The following TBPL2 variants were observed in gnomAD, a reference collection of about 807,000 sequenced individuals.
The protein encoded by TBPL2 is TATA box-binding protein-like 2.
TBPL2 carries 40 observed loss-of-function variants against 38.2 expected under a neutral mutation model. That is an observed-to-expected ratio of 1.05 (90% confidence interval 0.81 to 1.36). The LOEUF (loss-of-function observed/expected upper bound fraction) is 1.36. Among genes scored for constraint, TBPL2 ranks in the 40% most tolerant of loss-of-function variants. The pLI, the probability that TBPL2 is intolerant of heterozygous loss-of-function variation, is 0.00. For synonymous variants in TBPL2, 169 were observed against 171.7 expected, an observed-to-expected ratio of 0.98 and a Z score of 0.12; for missense variants, 461 against 456.7, an observed-to-expected ratio of 1.01 and a Z score of -0.09.
At chr14:55,430,202 C>A (rs529932111) in intron 4 of TBPL2, among the ~76,000 whole-genome samples, 3 of 152,202 alleles carry the variant, frequency 2.0e-5, no homozygotes, top group East Asian at 3.9e-4. Context: ...ATTCCACCCC[C>A]CTCATGGGTT....
intron 5 of TBPL2, among the ~76,000 whole-genome samples, chr14:55,426,430 T>G (rs1885825100): frequency 6.6e-6 from 1 of 152,134 alleles, no homozygotes; most frequent in Non-Finnish European, 1.5e-5. Flanking sequence ...CCTGGGAAAC[T>G]GAATGACCTT....
intron 6 of TBPL2, among the ~76,000 whole-genome samples, chr14:55,421,527 G>A (rs28539353): frequency 0.23 from 34,872 of 152,126 alleles, 6,740 homozygotes; most frequent in African/African-American, 0.54. Context: ...GCAGTGGCGC[G>A]AACTTGGCTC....
chr14:55,432,136 A>C (rs1414137313), intron 4 of TBPL2, among the ~76,000 whole-genome samples: 1 of 151,982 alleles, frequency 6.6e-6, no homozygotes, highest in Non-Finnish European at 1.5e-5. Context: ...GGCCAGATGT[A>C]GTAGCTCACG....
chr14:55,416,924 A>G (rs1309414501), intron 6 of TBPL2, among the ~76,000 whole-genome samples: 5 of 152,236 alleles, frequency 3.3e-5, no homozygotes, highest in Non-Finnish European at 7.3e-5. Flanking sequence ...ACACTTTTAT[A>G]TTAAAAAATC....
At chr14:55,418,515 T>C (rs976268280) in intron 6 of TBPL2, among the ~76,000 whole-genome samples, 3 of 152,212 alleles carry the variant, frequency 2.0e-5, no homozygotes, top group African/African-American at 7.2e-5. Flanking sequence ...TTTTATGACA[T>C]ATACCAATTT....
At chr14:55,421,147 G>C (rs548115185) in intron 6 of TBPL2, among the ~76,000 whole-genome samples, 1 of 151,880 alleles carries the variant, frequency 6.6e-6, no homozygotes, top group South Asian at 2.1e-4. Context: ...ATCTATAATA[G>C]GAACTTTGCC....
At chr14:55,439,993 G>C (rs1315051980) in intron 1 of TBPL2, among the ~76,000 whole-genome samples, 2 of 147,246 alleles carry the variant, frequency 1.4e-5, no homozygotes, top group African/African-American at 2.5e-5. Context: ...CCAGCTACAC[G>C]GGAGGCTGAG....
chr14:55,424,962 TAAA>T (rs1012823249), intron 5 of TBPL2, among the ~76,000 whole-genome samples: 4 of 151,880 alleles, frequency 2.6e-5, no homozygotes, highest in Non-Finnish European at 5.9e-5. Flanking sequence ...AGGAGGTGAA[TAAA>T]ACTATTCTCA....
At chr14:55,430,153 A>C (rs1049629414) in intron 4 of TBPL2, among the ~76,000 whole-genome samples, 5 of 152,136 alleles carry the variant, frequency 3.3e-5, no homozygotes, top group African/African-American at 1.2e-4. Flanking sequence ...TGACAAAACA[A>C]AACAGTAGGT....
At chr14:55,428,687 G>T in intron 5 of TBPL2, 120 bp downstream of exon 5, 1 of 1,084,346 alleles carries the variant, frequency 9.2e-7, no homozygotes, top group Non-Finnish European at 1.3e-6. Context: ...TTTCACTATT[G>T]TGTCCCCCGC....
rs141352975 is a variant in TBPL2 at position 55,420,161 on chromosome 14, C to G, written c.1051+3998G>C. 6.7e-3 allele frequency among the ~76,000 whole-genome samples: 1,020 copies of G among 152,322 alleles called. 16 individuals carry two copies. Among genetic ancestry groups the G allele is most frequent in the African/African-American group, 0.024 (985 of 41,562 alleles). ...TCTCGGCTCACTGCAACTTCCGCCT[C>G]CCAGGTTCAAGCGATTCTCCTGCCT... On this transcript the variant is annotated intron_variant, in intron 6 of 6. Coordinates refer to ENST00000247219, the Ensembl canonical transcript of TBPL2.
intron 5 of TBPL2, among the ~76,000 whole-genome samples, chr14:55,425,064 G>C (rs1420669474): frequency 1.3e-5 from 2 of 152,240 alleles, no homozygotes; most frequent in Admixed American, 6.5e-5. Context: ...GGTGAATCCA[G>C]ACTGCATGGA....
At chr14:55,414,278 C>G in exon 7 of TBPL2, 1 of 903,704 alleles carries the variant, frequency 1.1e-6, no homozygotes, top group Non-Finnish European at 1.7e-6. Flanking sequence ...AAGTAACGTA[C>G]TTGTAACATC....
At chr14:55,424,874 T>G (rs1885797297) in intron 5 of TBPL2, among the ~76,000 whole-genome samples, 1 of 152,152 alleles carries the variant, frequency 6.6e-6, no homozygotes, top group African/African-American at 2.4e-5. Context: ...GAGCTTCTTC[T>G]CCACACTCCA....
intron 6 of TBPL2, among the ~76,000 whole-genome samples, chr14:55,420,877 G>A (rs1427815111): frequency 6.6e-6 from 1 of 152,006 alleles, no homozygotes; most frequent in African/African-American, 2.4e-5. Flanking sequence ...GGCCAACACG[G>A]TGAAACCCCG....
At chr14:55,437,156 C>G in intron 1 of TBPL2, 138 bp from the exon 2 acceptor site, 1 of 717,150 alleles carries the variant, frequency 1.4e-6, no homozygotes, top group East Asian at 2.6e-5. Flanking sequence ...TATTCATGCA[C>G]TGCTTTTTTC....
At chr14:55,426,189 C>T (rs1235347740) in intron 5 of TBPL2, among the ~76,000 whole-genome samples, 1 of 151,642 alleles carries the variant, frequency 6.6e-6, no homozygotes, top group East Asian at 1.9e-4. Context: ...ATCACTTGAA[C>T]CCTGGGGGGT....
At chr14:55,431,735 C>T (rs796930199) in intron 4 of TBPL2, among the ~76,000 whole-genome samples, 1 of 152,260 alleles carries the variant, frequency 6.6e-6, no homozygotes, top group African/African-American at 2.4e-5. Context: ...TGAGTACCGA[C>T]TGATCATTTG....
intron 5 of TBPL2, among the ~76,000 whole-genome samples, chr14:55,424,597 T>C (rs1885792923): frequency 6.6e-6 from 1 of 152,246 alleles, no homozygotes. Flanking sequence ...GAATACATAA[T>C]CATGTTTTTC....
Sources: gnomAD v4.1 joint callset for allele counts (sites outside exome capture counted in the v4.1 genomes callset) on GRCh38, gnomAD v4.1.1 for gene constraint, MANE v1.5 for transcripts, NCBI Gene and HGNC (gene_info 2026-07-23, HGNC 2026-07-21) for gene names.